Variants in CAMTA1 observed in about 807,000 individuals in gnomAD.
CAMTA1 encodes the protein calmodulin binding transcription activator 1, also known as calmodulin-binding transcription activator 1.
In CAMTA1, 27 loss-of-function variants were observed where a neutral mutation model predicts 170.9. The ratio of observed to expected loss-of-function variants is 0.16; its 90% CI spans 0.12 to 0.22. The LOEUF (loss-of-function observed/expected upper bound fraction) is 0.22. CAMTA1 is among the 10% of genes least tolerant of loss of function. CAMTA1 has a pLI of 1.00. For missense variants in CAMTA1, 1,619 were observed against 2,217.2 expected (o/e 0.73, Z 5.42); for synonymous variants, 833 against 891.5 (o/e 0.93, Z 1.17).
chr1:6,857,449 T>C (rs2148865436), intron 3 of CAMTA1, among the ~76,000 whole-genome samples: 1 of 152,344 alleles, frequency 6.6e-6, no homozygotes, highest in Middle Eastern at 3.4e-3. Flanking sequence ...AAGAAGGCTT[T>C]GGTGACCAAA....
At chr1:7,371,989 C>A (rs946578585) in intron 5 of CAMTA1, among the ~76,000 whole-genome samples, 11 of 152,166 alleles carry the variant, frequency 7.2e-5, no homozygotes, top group African/African-American at 2.2e-4. Flanking sequence ...GAGTCCAGAC[C>A]CAGCCTGGGG....
intron 4 of CAMTA1, among the ~76,000 whole-genome samples, chr1:7,128,831 C>CTTTTT (rs34180837): frequency 1.6e-5 from 1 of 61,320 alleles, no homozygotes; most frequent in Non-Finnish European, 2.9e-5. Context: ...GCTCCCCCTC[C>CTTTTT]TTTTTTTTTT....
At chr1:6,986,363 C>T (rs1695360983) in intron 3 of CAMTA1, among the ~76,000 whole-genome samples, 2 of 152,108 alleles carry the variant, frequency 1.3e-5, no homozygotes, top group Admixed American at 1.3e-4. Flanking sequence ...GGGATACCAC[C>T]CAAGATGTGA....
At chr1:6,837,174 G>T (rs922071922) in intron 3 of CAMTA1, among the ~76,000 whole-genome samples, 3 of 151,974 alleles carry the variant, frequency 2.0e-5, no homozygotes, top group African/African-American at 2.4e-5. Context: ...GCCAGGATGG[G>T]CTCGATCTCC....
At chr1:7,031,648 C>T (rs1557998427) in intron 3 of CAMTA1, among the ~76,000 whole-genome samples, 1 of 151,866 alleles carries the variant, frequency 6.6e-6, no homozygotes, top group Non-Finnish European at 1.5e-5. Context: ...CAAGTGATTC[C>T]CCTGCCTGAG....
chr1:7,028,619 C>T (rs1372844844), intron 3 of CAMTA1, among the ~76,000 whole-genome samples: 1 of 152,196 alleles, frequency 6.6e-6, no homozygotes, highest in East Asian at 1.9e-4. Context: ...CTGCCATGCC[C>T]CACTCTGGCC....
intron 3 of CAMTA1, among the ~76,000 whole-genome samples, chr1:6,916,979 A>G (rs1157196254): frequency 6.6e-6 from 1 of 152,142 alleles, no homozygotes; most frequent in Non-Finnish European, 1.5e-5. Flanking sequence ...AAGCCCACGT[A>G]GTCTGTGTGG....
chr1:7,729,709 C>G (rs2096717775), intron 11 of CAMTA1, among the ~76,000 whole-genome samples: 1 of 152,202 alleles, frequency 6.6e-6, no homozygotes, highest in South Asian at 2.1e-4. Context: ...GTTTTCTCAT[C>G]TGGAAAATGA....
chr1:7,129,954 T>TGTGA (rs1491057275), intron 4 of CAMTA1, among the ~76,000 whole-genome samples: 1 of 139,182 alleles, frequency 7.2e-6, no homozygotes, highest in Non-Finnish European at 1.6e-5. Flanking sequence ...TGTGTGTGTG[T>TGTGA]GAGATGGAGT....
At chr1:7,615,434 A>G (rs1282164803) in intron 6 of CAMTA1, among the ~76,000 whole-genome samples, 1 of 152,220 alleles carries the variant, frequency 6.6e-6, no homozygotes, top group African/African-American at 2.4e-5. Context: ...TGCAGCTGTG[A>G]CACTGATTAG....
At chr1:7,757,146 A>G (rs1043174873) in intron 22 of CAMTA1, among the ~76,000 whole-genome samples, 1 of 152,206 alleles carries the variant, frequency 6.6e-6, no homozygotes, top group Non-Finnish European at 1.5e-5. Flanking sequence ...TTTCCCATCT[A>G]ACTAGACTTA....
In CAMTA1 at chr1:7,026,039, G is replaced by C. The variant is rs568171556; in HGVS notation, c.235-65265G>C. Among the ~76,000 whole-genome samples, 11 of 152,094 alleles carry C rather than the reference G, an allele frequency of 7.2e-5. No homozygotes were observed. The South Asian group carries it at 2.3e-3, about 32-fold the overall frequency. ...GGAGGCTGAGGCAGGAGGATTGCTT[G>C]AGCCCGGAAGATGGAGGCTGCAGTG... is the stretch of plus-strand genomic sequence containing the variant. On this transcript the variant is annotated intron_variant, in intron 3 of 22. Coordinates refer to ENST00000303635, the MANE Select transcript of CAMTA1 (RefSeq NM_015215.4).
chr1:7,299,834 A>C lies in CAMTA1; in HGVS notation c.438+50208A>C, dbSNP rs1173263849. On this transcript the variant is annotated intron_variant, in intron 5 of 22. Coordinates refer to ENST00000303635, the MANE Select transcript of CAMTA1 (RefSeq NM_015215.4). This position sits in a 1 kb window ranked among gnomAD's most constrained non-coding sequence, Gnocchi z 4.7. ...TTGACTTCTGATCAGGGCAGATCTCAGTTTTATAGGACCTTGTGTAAGAAT... is the reference window on the plus strand; with the variant it reads ...TTGACTTCTGATCAGGGCAGATCTCCGTTTTATAGGACCTTGTGTAAGAAT... 6.6e-6 allele frequency among the ~76,000 whole-genome samples: 1 copy of C among 152,180 alleles called. No homozygotes were observed. Among genetic ancestry groups the C allele is most frequent in the African/African-American group, 2.4e-5 (1 of 41,436 alleles).
At chr1:7,555,854 G>A (rs1363579225) in intron 6 of CAMTA1, among the ~76,000 whole-genome samples, 1 of 152,194 alleles carries the variant, frequency 6.6e-6, no homozygotes, top group Non-Finnish European at 1.5e-5. Context: ...ACCACGTCCT[G>A]CATCTCACAC....
At chr1:7,313,426 G>A (rs1167162169) in intron 5 of CAMTA1, among the ~76,000 whole-genome samples, 1 of 152,196 alleles carries the variant, frequency 6.6e-6, no homozygotes, top group African/African-American at 2.4e-5. Flanking sequence ...CTGTTTTGAT[G>A]AACTGCACTC....
At chr1:6,967,414 C>T (rs887238628) in intron 3 of CAMTA1, among the ~76,000 whole-genome samples, 9 of 152,082 alleles carry the variant, frequency 5.9e-5, no homozygotes, top group Non-Finnish European at 1.3e-4. Flanking sequence ...CCATGCTTTG[C>T]ACCTCCCAGC....
rs922089274 is a variant in CAMTA1, at chr1:7,664,266, C to T, written c.1719C>T (p.Gly573=). ...TAGSSLLPSG[G]GLSPSTTLEQ... ...GCTCCAGCCTCCTGCCGTCGGGCGG[C>T]GGCCTGAGTCCCAGCACCACCCTGG... Residue 573 remains glycine, a synonymous_variant, in exon 9 of 23, where the codon GGC becomes GGT. Transcript: ENST00000303635. 14 of 1,612,640 alleles carry T rather than the reference C, an allele frequency of 8.7e-6. No homozygotes were observed. Among genetic ancestry groups the T allele is most frequent in the East Asian group, 2.2e-5 (1 of 44,876 alleles).
At chr1:7,276,345 T>TGTCACCC (rs1435199493) in intron 5 of CAMTA1, among the ~76,000 whole-genome samples, 3 of 139,522 alleles carry the variant, frequency 2.2e-5, no homozygotes, top group Non-Finnish European at 4.6e-5. Context: ...AATCTTGCTC[T>TGTCACCC]GTCACCCAGG....
At chr1:7,196,402 G>A (rs1013633011) in intron 4 of CAMTA1, among the ~76,000 whole-genome samples, 2 of 152,166 alleles carry the variant, frequency 1.3e-5, no homozygotes, top group Non-Finnish European at 2.9e-5. Context: ...TACAGTATGT[G>A]TGAAGAAAAC....
Sources: allele counts gnomAD v4.1 joint callset (sites outside exome capture counted in the v4.1 genomes callset), GRCh38; gene constraint gnomAD v4.1.1; non-coding constraint Gnocchi (gnomAD v3.1); transcripts MANE v1.5; gene names NCBI Gene and HGNC (gene_info 2026-07-23, HGNC 2026-07-21).